ADAMTS17: variants seen among roughly 807,000 people sequenced by gnomAD.
ADAMTS17 encodes the protein ADAM metallopeptidase with thrombospondin type 1 motif 17.
In ADAMTS17, 113 loss-of-function variants were observed where a neutral mutation model predicts 141.5. The ratio of observed to expected loss-of-function variants is 0.80; its 90% CI spans 0.69 to 0.93. ADAMTS17 has a LOEUF of 0.93. Ranked by LOEUF, ADAMTS17 falls within the 40% of genes least tolerant of loss-of-function variation. The pLI is 0.00. For missense variants in ADAMTS17, 1,659 were observed against 1,517.9 expected (o/e 1.09, Z -1.54); for synonymous variants, 768 against 630.6 (o/e 1.22, Z -3.27).
intron 9 of ADAMTS17, among the ~76,000 whole-genome samples, chr15:100,154,979 G>T (rs1473874979): frequency 1.3e-5 from 2 of 152,206 alleles, no homozygotes; most frequent in Admixed American, 6.5e-5. Context: ...CACCCACTGT[G>T]CGCCCATCGC....
At chr15:100,057,154 C>T (rs1317685731) in intron 15 of ADAMTS17, among the ~76,000 whole-genome samples, 1 of 152,006 alleles carries the variant, frequency 6.6e-6, no homozygotes. Context: ...AGGCACAGCA[C>T]CCCATATGGA....
At chr15:100,291,111 C>A (rs117788667) in intron 3 of ADAMTS17, among the ~76,000 whole-genome samples, 2,502 of 152,274 alleles carry the variant, frequency 0.016, 34 homozygotes, top group East Asian at 0.071. Context: ...GTATCTGACA[C>A]AGATCTAATA....
Position 100,155,219 on chromosome 15 carries a change from C to A in ADAMTS17, c.1283G>T (p.Trp428Leu). The change falls in exon 9 of 22, where the codon TGG becomes TTG. Residue 428 changes from tryptophan (W) to leucine (L), a missense_variant. Physicochemically the swap from Trp to Leu is moderately conservative, Grantham distance 61. Coordinates refer to ENST00000268070, the MANE Select transcript of ADAMTS17 (RefSeq NM_139057.4). Reference protein sequence around the residue: ...VKGRNPSDLSWSSCSRDDLEN... With the variant: ...VKGRNPSDLSLSSCSRDDLEN... ...AAGGTCATCTCGGCTGCAGGAGGACCAAGAGAGGTCACTTGGGTTCCGGCC... is the reference window on the plus strand; with the variant it reads ...AAGGTCATCTCGGCTGCAGGAGGACAAAGAGAGGTCACTTGGGTTCCGGCC... 6.2e-7 allele frequency: 1 copy of A among 1,614,142 alleles called. No individual in the cohort carries two copies. The highest frequency in any genetic ancestry group is 8.5e-7 in the Non-Finnish European group (1 of 1,180,038).
chr15:100,171,210 G>A (rs2040147907), intron 8 of ADAMTS17, among the ~76,000 whole-genome samples: 1 of 152,170 alleles, frequency 6.6e-6, no homozygotes, highest in South Asian at 2.1e-4. Flanking sequence ...GATGTCCGAT[G>A]GGACAGATGC....
intron 6 of ADAMTS17, among the ~76,000 whole-genome samples, chr15:100,258,648 C>G (rs1279358900): frequency 1.2e-5 from 1 of 80,424 alleles, no homozygotes; most frequent in Non-Finnish European, 2.5e-5. Context: ...AAAGACCTGC[C>G]CCCACGATTC....
At chr15:100,032,272 C>T (rs918970456) in intron 18 of ADAMTS17, among the ~76,000 whole-genome samples, 3 of 152,132 alleles carry the variant, frequency 2.0e-5, no homozygotes, top group Non-Finnish European at 4.4e-5. Flanking sequence ...GTGTGCTTGT[C>T]TCAGAGGTCC....
At chr15:100,196,869 G>A (rs910861678) in intron 8 of ADAMTS17, among the ~76,000 whole-genome samples, 2 of 152,150 alleles carry the variant, frequency 1.3e-5, no homozygotes, top group African/African-American at 4.8e-5. Flanking sequence ...CAACACTTGC[G>A]ACTAATCAAA....
intron 8 of ADAMTS17, among the ~76,000 whole-genome samples, chr15:100,194,527 C>CTGGGTTTT (rs2041039298): frequency 1.3e-5 from 2 of 152,206 alleles, no homozygotes; most frequent in Non-Finnish European, 2.9e-5. Context: ...CCAACTGCCT[C>CTGGGTTTT]CTTGATCTGG....
chr15:100,302,421 G>C (rs932318676), intron 3 of ADAMTS17, among the ~76,000 whole-genome samples: 1 of 152,162 alleles, frequency 6.6e-6, no homozygotes, highest in Non-Finnish European at 1.5e-5. Context: ...TTTTGGATAT[G>C]TATGAGGTGG....
At chr15:100,160,435 G>C (rs79369010) in intron 8 of ADAMTS17, among the ~76,000 whole-genome samples, 92 of 152,270 alleles carry the variant, frequency 6.0e-4, no homozygotes, top group African/African-American at 2.1e-3. Context: ...CTCAAGCCCT[G>C]GGAGGATGGT....
At chr15:100,183,422 A>G (rs1399603815) in intron 8 of ADAMTS17, among the ~76,000 whole-genome samples, 1 of 151,844 alleles carries the variant, frequency 6.6e-6, no homozygotes, top group Non-Finnish European at 1.5e-5. Flanking sequence ...CGTCATCTCC[A>G]CTCTATCTAA....
At chr15:100,162,394 CTATATGTGTA>C (rs918825477) in intron 8 of ADAMTS17, among the ~76,000 whole-genome samples, 14 of 145,076 alleles carry the variant, frequency 9.7e-5, no homozygotes, top group East Asian at 4.0e-4. Flanking sequence ...ATATAACTAT[CTATATGTGTA>C]TATATGTGTA....
intron 3 of ADAMTS17, among the ~76,000 whole-genome samples, chr15:100,287,165 T>G (rs1483186966): frequency 6.6e-6 from 1 of 152,026 alleles, no homozygotes; most frequent in Non-Finnish European, 1.5e-5. Context: ...TCCAGCCTGG[T>G]GACACAGCAA....
chr15:100,308,259 A>G (rs2141845212), intron 3 of ADAMTS17, among the ~76,000 whole-genome samples: 1 of 152,330 alleles, frequency 6.6e-6, no homozygotes, highest in East Asian at 1.9e-4. Context: ...AAAACATTTT[A>G]TTTTATCTGG....
Position 99,974,557 on chromosome 15 carries a change from G to C in ADAMTS17, c.3133C>G (p.Leu1045Val). ...TGGTCTCGTGTGCATTTGTAGGTCA[G>C]AGCAGCTAAGGGGATAGGAGAGAGA... is the stretch of plus-strand genomic sequence containing the variant. ...NTITSPRLAA[L>V]TYKCTRDQWT... Residue 1045 changes from leucine to valine, a missense_variant, in exon 22 of 22, where the codon CTG (leucine) becomes GTG (valine). Transcript: ENST00000268070. The C allele has an allele frequency of 1.2e-6, 2 of 1,614,264 alleles. No individual in the cohort carries two copies. The highest frequency in any genetic ancestry group is 1.7e-6 in the Non-Finnish European group (2 of 1,180,042).
chr15:100,278,080 T>A (rs1055031581), intron 4 of ADAMTS17, among the ~76,000 whole-genome samples: 1 of 152,048 alleles, frequency 6.6e-6, no homozygotes, highest in Non-Finnish European at 1.5e-5. Context: ...TTATATGAGG[T>A]ATCTAGAGTC....
At chr15:100,209,926 T>C (rs1054295012) in intron 7 of ADAMTS17, among the ~76,000 whole-genome samples, 8 of 152,082 alleles carry the variant, frequency 5.3e-5, no homozygotes, top group African/African-American at 1.9e-4. Context: ...ATGTCAAAGG[T>C]CAAGAAAAAC....
chr15:100,028,000 G>A (rs1332162015), intron 18 of ADAMTS17, among the ~76,000 whole-genome samples: 2 of 152,262 alleles, frequency 1.3e-5, no homozygotes, highest in East Asian at 1.9e-4. Context: ...CCTACCCAGA[G>A]AAGTCACATG....
chr15:100,063,937 G>A (rs2033321769), intron 15 of ADAMTS17, among the ~76,000 whole-genome samples: 1 of 152,120 alleles, frequency 6.6e-6, no homozygotes, highest in East Asian at 1.9e-4. Context: ...CCCATTTCCA[G>A]AGAGCAGGAT....
Sources: allele counts gnomAD v4.1 joint callset (sites outside exome capture counted in the v4.1 genomes callset), GRCh38; gene constraint gnomAD v4.1.1; transcripts MANE v1.5; gene names NCBI Gene and HGNC (gene_info 2026-07-23, HGNC 2026-07-21).